Variants in PALLD observed in about 807,000 individuals in gnomAD.
PALLD encodes the protein palladin, cytoskeletal associated protein, also known as palladin.
In PALLD, 61 loss-of-function variants were observed where a neutral mutation model predicts 123.5. The ratio of observed to expected loss-of-function variants is 0.49; its 90% CI spans 0.40 to 0.61. PALLD has a LOEUF of 0.61. PALLD is among the 20% of genes least tolerant of loss of function. The pLI, the probability that PALLD is intolerant of heterozygous loss-of-function variation, is 0.00. For synonymous variants in PALLD, 465 were observed against 496.4 expected (o/e 0.94, Z 0.84); for missense variants, 1,273 against 1,377.0 (o/e 0.92, Z 1.20).
chr4:168,701,865 C>T (rs1783705641), intron 8 of PALLD, among the ~76,000 whole-genome samples: 1 of 152,160 alleles, frequency 6.6e-6, no homozygotes, highest in African/African-American at 2.4e-5. Flanking sequence ...AAGCCTTCAC[C>T]ACTCACAGCA....
chr4:168,525,359 G>A (rs193133292), intron 2 of PALLD, among the ~76,000 whole-genome samples: 39 of 152,274 alleles, frequency 2.6e-4, no homozygotes, highest in African/African-American at 6.3e-4. Flanking sequence ...AGAGATTGTC[G>A]TCATAGCCTA....
intron 10 of PALLD, among the ~76,000 whole-genome samples, chr4:168,730,844 C>T (rs1048293529): frequency 3.9e-5 from 6 of 152,020 alleles, no homozygotes; most frequent in Non-Finnish European, 7.4e-5. Flanking sequence ...AATTCCTTAC[C>T]CCCATTTTTC....
chr4:168,914,833 C>G (rs1759772883), intron 16 of PALLD, among the ~76,000 whole-genome samples: 1 of 152,180 alleles, frequency 6.6e-6, no homozygotes, highest in Non-Finnish European at 1.5e-5. Context: ...AAACATCAAA[C>G]AAGTGGTGTG....
intron 19 of PALLD, among the ~76,000 whole-genome samples, 170 bp downstream of exon 19, chr4:168,924,590 G>A (rs1438237651): frequency 6.6e-6 from 1 of 152,168 alleles, no homozygotes; most frequent in African/African-American, 2.4e-5. Flanking sequence ...GTAGGATTAA[G>A]CTTTTAGAAG....
intron 8 of PALLD, among the ~76,000 whole-genome samples, chr4:168,693,055 G>A (rs532327274): frequency 7.4e-4 from 113 of 152,146 alleles, no homozygotes; most frequent in Admixed American, 4.1e-3. Flanking sequence ...CGCACCCTGC[G>A]TCTTCATCAC....
At chr4:168,749,902 T>C (rs1473507888) in intron 10 of PALLD, among the ~76,000 whole-genome samples, 1 of 137,452 alleles carries the variant, frequency 7.3e-6, no homozygotes, top group Admixed American at 7.4e-5. Context: ...GACCCCAGCA[T>C]CTGTTGTTGT....
chr4:168,706,561 G>A (rs1490034571), intron 8 of PALLD, among the ~76,000 whole-genome samples: 4 of 152,112 alleles, frequency 2.6e-5, no homozygotes, highest in Non-Finnish European at 5.9e-5. Flanking sequence ...TTTTGACACA[G>A]AAGAATCCTT....
intron 1 of PALLD, among the ~76,000 whole-genome samples, chr4:168,499,180 CAAAAAAAAAAAAA>C (rs1157137965): frequency 6.1e-5 from 1 of 16,378 alleles, no homozygotes; most frequent in Non-Finnish European, 1.0e-4. Context: ...CCCTTTGTAG[CAAAAAAAAAAAAA>C]AAAAAAAAAA....
chr4:168,878,249 C>T lies in PALLD; in HGVS notation c.1965-12673C>T, dbSNP rs925242863. 31 of 1,522,990 alleles carry T rather than the reference C, an allele frequency of 2.0e-5. No homozygotes were observed. The highest frequency in any genetic ancestry group is 2.8e-5 in the African/African-American group (2 of 71,260). 94.3% of individuals were successfully genotyped at this position (1,522,990 alleles called of 1,614,324 possible). ...GCCGCCACCACCGCCGCTCCCGAGCCCGGGACAGGCGTCCCACTGCTCGTC... is the reference window on the plus strand; with the variant it reads ...GCCGCCACCACCGCCGCTCCCGAGCTCGGGACAGGCGTCCCACTGCTCGTC... On this transcript the variant is annotated intron_variant, in intron 10 of 21. Coordinates refer to ENST00000505667, the MANE Select transcript of PALLD (RefSeq NM_001166108.2).
At chr4:168,515,697 A>C (rs1057262089) in intron 2 of PALLD, among the ~76,000 whole-genome samples, 3 of 152,218 alleles carry the variant, frequency 2.0e-5, no homozygotes, top group African/African-American at 7.2e-5. Context: ...GAGCTGGAAC[A>C]CGGGGGAGAA....
intron 10 of PALLD, among the ~76,000 whole-genome samples, chr4:168,793,081 A>G (rs1255983020): frequency 6.6e-6 from 1 of 150,992 alleles, no homozygotes; most frequent in Non-Finnish European, 1.5e-5. Context: ...TAATACATGT[A>G]TGTAATTTAC....
chr4:168,575,426 A>G (rs1769461416), intron 2 of PALLD, among the ~76,000 whole-genome samples: 1 of 151,920 alleles, frequency 6.6e-6, no homozygotes, highest in Admixed American at 6.6e-5. Context: ...ATCTCATGAG[A>G]ACTCAGTATC....
At chr4:168,923,708 T>G (rs1762026873) in intron 18 of PALLD, among the ~76,000 whole-genome samples, 1 of 152,220 alleles carries the variant, frequency 6.6e-6, no homozygotes, top group Non-Finnish European at 1.5e-5. Context: ...GGTAACTATT[T>G]AAAGCTGCCA....
At chr4:168,887,474 A>G (rs962734472) in intron 10 of PALLD, among the ~76,000 whole-genome samples, 1 of 152,198 alleles carries the variant, frequency 6.6e-6, no homozygotes, top group African/African-American at 2.4e-5. Context: ...ATTTGTGCTG[A>G]GAACACAGCT....
intron 10 of PALLD, among the ~76,000 whole-genome samples, chr4:168,851,705 T>A (rs1422558741): frequency 6.6e-6 from 1 of 152,170 alleles, no homozygotes; most frequent in East Asian, 1.9e-4. Flanking sequence ...CCTTGGAACT[T>A]TAATAAGTAA....
At chr4:168,795,150 G>A (rs552701333) in intron 10 of PALLD, among the ~76,000 whole-genome samples, 52 of 152,182 alleles carry the variant, frequency 3.4e-4, no homozygotes, top group Non-Finnish European at 6.3e-4. Flanking sequence ...AAACCATCAC[G>A]CCAGCAATTA....
intron 2 of PALLD, among the ~76,000 whole-genome samples, chr4:168,642,549 C>A (rs574854417): frequency 3.9e-5 from 6 of 152,006 alleles, no homozygotes; most frequent in Non-Finnish European, 7.4e-5. Context: ...TTATAGGCGC[C>A]CGCCACCACG....
intron 17 of PALLD, among the ~76,000 whole-genome samples, chr4:168,917,972 G>A (rs1004320385): frequency 5.3e-5 from 8 of 151,946 alleles, no homozygotes; most frequent in Non-Finnish European, 8.8e-5. Flanking sequence ...AGGCTGAGGC[G>A]GGCGGATCAC....
chr4:168,513,275 CCG>C (rs1762696900), intron 2 of PALLD, among the ~76,000 whole-genome samples: 1 of 152,090 alleles, frequency 6.6e-6, no homozygotes, highest in Admixed American at 6.6e-5. Context: ...GCAGGTCTGC[CCG>C]TTATTCCTAC....
Sources: gnomAD v4.1 joint callset for allele counts (sites outside exome capture counted in the v4.1 genomes callset) on GRCh38, gnomAD v4.1.1 for gene constraint, MANE v1.5 for transcripts, NCBI Gene and HGNC (gene_info 2026-07-23, HGNC 2026-07-21) for gene names.